Variants in REEP5 observed in about 807,000 individuals in gnomAD.
The protein encoded by REEP5 is receptor expression-enhancing protein 5.
REEP5 carries 24 observed loss-of-function variants against 22.4 expected under a neutral mutation model. The observed-to-expected ratio is 1.07, with a 90% confidence interval of 0.78 to 1.51. The LOEUF (loss-of-function observed/expected upper bound fraction) is 1.51, where lower values mean the gene tolerates loss of function less well. REEP5 is among the 40% of genes most tolerant of loss of function. The probability of loss-of-function intolerance (pLI) is 0.00; values close to 1 mark genes in which losing one functional copy is unlikely to be tolerated. For synonymous variants in REEP5, 103 were observed against 88.6 expected (o/e 1.16, Z -0.92); for missense variants, 252 against 233.0 (o/e 1.08, Z -0.53).
At chr5:112,886,900 G>A (rs1580732172) in intron 4 of REEP5, 115 bp downstream of exon 4, 4 of 688,680 alleles carry the variant, frequency 5.8e-6, no homozygotes, top group African/African-American at 5.3e-5. Flanking sequence ...CCAGAGTAAT[G>A]TTGGCATTTG....
At chr5:112,891,635 G>T (rs1475223044) in intron 3 of REEP5, 2 of 1,598,984 alleles carry the variant, frequency 1.3e-6, no homozygotes, top group Non-Finnish European at 1.7e-6. Context: ...GGCGGTGCTG[G>T]CAAGATGGCT....
intron 3 of REEP5, among the ~76,000 whole-genome samples, chr5:112,900,044 T>C (rs1317079139): frequency 2.6e-5 from 4 of 152,190 alleles, no homozygotes; most frequent in African/African-American, 9.6e-5. Context: ...ATATTTTCAA[T>C]CTTTAAAATA....
chr5:112,904,033 T>C (rs560499528), intron 2 of REEP5, among the ~76,000 whole-genome samples: 1 of 152,328 alleles, frequency 6.6e-6, no homozygotes, highest in East Asian at 1.9e-4. Context: ...GGTCTCACTG[T>C]GTTGCCCAGG....
At position 112,921,116 on chromosome 5, in the gene REEP5, G is replaced by A. The variant is rs766984517; in HGVS notation, c.212+47C>T. The A allele has an allele frequency of 3.2e-6, 5 of 1,565,582 alleles. No individual in the cohort carries two copies. In the South Asian group the frequency reaches 3.4e-5, roughly 11 times the overall value. On this transcript the variant is annotated intron_variant, in intron 2 of 4. Transcript: ENST00000379638. Reference sequence around the variant, plus strand: ...CAGTCTACTGCAGCAGCCCTGCGGGGAGGAATGGAGGAAGGGAAGGGGACG... The same window carrying A: ...CAGTCTACTGCAGCAGCCCTGCGGGAAGGAATGGAGGAAGGGAAGGGGACG...
At chr5:112,885,899 G>A (rs1768227964) in intron 4 of REEP5, among the ~76,000 whole-genome samples, 1 of 152,190 alleles carries the variant, frequency 6.6e-6, no homozygotes, top group South Asian at 2.1e-4. Flanking sequence ...TGTGGAAGAT[G>A]ACTTCATTCC....
chr5:112,907,001 A>C (rs1768970887), intron 2 of REEP5, among the ~76,000 whole-genome samples: 1 of 152,216 alleles, frequency 6.6e-6, no homozygotes, highest in Non-Finnish European at 1.5e-5. Flanking sequence ...AGAATAAGTC[A>C]ACTCTAATAT....
rs752258105 is a variant in REEP5 at position 112,892,818 on chromosome 5, C to T, written c.352-5635G>A. 6.2e-6 allele frequency: 10 copies of T among 1,613,590 alleles called. No individual in the cohort carries two copies. The South Asian group carries it at 9.9e-5, about 16-fold the overall frequency. ...GGAGAAACCCTAGTCCAGACCACAC[C>T]TACAAAAGAAATGGGGAATCCGAGA... On this transcript the variant is annotated intron_variant, in intron 3 of 4. Transcript: ENST00000379638.
intron 3 of REEP5, among the ~76,000 whole-genome samples, 160 bp downstream of exon 3, chr5:112,902,220 T>G (rs153547): frequency 0.42 from 63,190 of 149,048 alleles, 13,940 homozygotes; most frequent in African/African-American, 0.57. Flanking sequence ...ATTTTTTTGT[T>G]TTTGTTTTTT....
rs541794605 is a variant in REEP5, at chr5:112,876,543, G to A, written c.*2243C>T. On this transcript the variant is annotated 3_prime_UTR_variant, in exon 5 of 5. Transcript: ENST00000379638. Reference sequence around the variant, plus strand: ...GCAGTTGTTGATCCAAATGATTGAAGCCTTCAGGTAAGGGAATAACTGCTG... The same window carrying A: ...GCAGTTGTTGATCCAAATGATTGAAACCTTCAGGTAAGGGAATAACTGCTG... 6.6e-6 allele frequency: 1 copy of A among 152,290 alleles called. No homozygotes were observed. Among genetic ancestry groups the A allele is most frequent in the South Asian group, 2.1e-4 (1 of 4,834 alleles). 9.4% of individuals were successfully genotyped at this position (152,290 alleles called of 1,614,324 possible).
chr5:112,892,197 C>T (rs756493903), intron 3 of REEP5: 7 of 1,614,156 alleles, frequency 4.3e-6, no homozygotes, highest in South Asian at 1.1e-5. Context: ...CAGGAGCTTG[C>T]AGATTTGGAG....
chr5:112,877,903 A>G lies in REEP5; in HGVS notation c.*883T>C, dbSNP rs992065804. 1.3e-5 allele frequency: 2 copies of G among 152,184 alleles called. No individual in the cohort carries two copies. The highest frequency in any genetic ancestry group is 2.9e-5 in the Non-Finnish European group (2 of 68,024). 9.4% of individuals were successfully genotyped at this position (152,184 alleles called of 1,614,324 possible). On this transcript the variant is annotated 3_prime_UTR_variant, in exon 5 of 5. Transcript: ENST00000379638. ...ATGGTTTCCATTGTAGCATCTTGAC[A>G]ATAGACAAATATGTAAAGTTTATAG...
chr5:112,904,483 G>A (rs1336703558), intron 2 of REEP5, among the ~76,000 whole-genome samples: 2 of 152,272 alleles, frequency 1.3e-5, no homozygotes, highest in East Asian at 1.9e-4. Context: ...TTTTGTGAAC[G>A]CAATAGCTCA....
intron 3 of REEP5, chr5:112,897,356 C>CAT (rs1462429142): frequency 2.1e-5 from 1 of 47,344 alleles, no homozygotes; most frequent in Non-Finnish European, 4.6e-5. Context: ...TCCCATCACA[C>CAT]ACACACACAC....
chr5:112,914,737 C>T (rs369243718), intron 2 of REEP5, among the ~76,000 whole-genome samples: 20 of 152,148 alleles, frequency 1.3e-4, no homozygotes, highest in African/African-American at 3.9e-4. Flanking sequence ...AGATGCGGAC[C>T]GCAGTCTAGA....
chr5:112,914,549 A>C (rs1231426019), intron 2 of REEP5, among the ~76,000 whole-genome samples: 1 of 152,186 alleles, frequency 6.6e-6, no homozygotes, highest in Non-Finnish European at 1.5e-5. Context: ...TAATGCCAGG[A>C]GCAATAAAAG....
chr5:112,922,061 C>T lies in REEP5; in HGVS notation c.118+12G>A. 6.3e-7 allele frequency: 1 copy of T among 1,585,840 alleles called. No individual in the cohort carries two copies. The highest frequency in any genetic ancestry group is 1.8e-5 in the Admixed American group (1 of 56,748). On this transcript the variant is annotated intron_variant, in intron 1 of 4. Coordinates refer to ENST00000379638, the MANE Select transcript of REEP5 (RefSeq NM_005669.5). ...GTGGCCCTACCAGCGGCGGCGACCC[C>T]CGGCCACCCACCAAGAGCGATGAAG...
chr5:112,895,382 T>G (rs936673583), intron 3 of REEP5: 1 of 152,152 alleles, frequency 6.6e-6, no homozygotes, highest in African/African-American at 2.4e-5. Context: ...AATAGAATAG[T>G]AGTATTACCA....
intron 2 of REEP5, among the ~76,000 whole-genome samples, chr5:112,916,720 C>T (rs1413851495): frequency 6.6e-6 from 1 of 152,048 alleles, no homozygotes. Context: ...GGTAGCATAA[C>T]GTAATCATTA....
At chr5:112,881,604 G>A (rs1768077038) in intron 4 of REEP5, among the ~76,000 whole-genome samples, 1 of 152,066 alleles carries the variant, frequency 6.6e-6, no homozygotes, top group South Asian at 2.1e-4. Flanking sequence ...GGATCTGGTA[G>A]GTGTTGTTTT....
Sources: gnomAD v4.1 joint callset for allele counts (sites outside exome capture counted in the v4.1 genomes callset) on GRCh38, gnomAD v4.1.1 for gene constraint, MANE v1.5 for transcripts, NCBI Gene and HGNC (gene_info 2026-07-23, HGNC 2026-07-21) for gene names.